The following MORC1 variants were observed in gnomAD, a reference collection of about 807,000 sequenced individuals.
The protein encoded by MORC1 is MORC family CW-type zinc finger protein 1.
MORC1 carries 59 observed loss-of-function variants against 134.9 expected under a neutral mutation model. That is an observed-to-expected ratio of 0.44 (90% CI 0.35 to 0.54). The LOEUF is 0.54. MORC1 is among the 20% of genes least tolerant of loss of function. The probability of loss-of-function intolerance (pLI) is 0.00; values close to 1 mark genes in which losing one functional copy is unlikely to be tolerated. For synonymous variants in MORC1, 395 were observed against 391.7 expected, an observed-to-expected ratio of 1.01 and a Z score of -0.10; for missense variants, 947 against 1,134.5, an observed-to-expected ratio of 0.83 and a Z score of 2.37.
intron 22 of MORC1, 93 bp from the exon 23 acceptor site, chr3:108,984,875 A>G (rs2107463887): frequency 1.2e-6 from 1 of 861,828 alleles, no homozygotes; most frequent in Non-Finnish European, 1.8e-6. Context: ...CTACCTCTGT[A>G]TAATATGGAT....
At chr3:109,053,691 A>G (rs184353444) in intron 14 of MORC1, among the ~76,000 whole-genome samples, 1 of 152,306 alleles carries the variant, frequency 6.6e-6, no homozygotes, top group African/African-American at 2.4e-5. Context: ...CACCAGGGTG[A>G]CAAGTTTAGT....
chr3:109,067,873 T>A (rs1002096954), intron 9 of MORC1, among the ~76,000 whole-genome samples: 1 of 152,196 alleles, frequency 6.6e-6, no homozygotes, highest in African/African-American at 2.4e-5. Context: ...AATATCTTTA[T>A]GAGTGATAGC....
chr3:108,980,042 G>A (rs1284313963), intron 23 of MORC1, among the ~76,000 whole-genome samples: 4 of 151,944 alleles, frequency 2.6e-5, no homozygotes, highest in Admixed American at 6.5e-5. Context: ...ATCTACAATG[G>A]ATATACTTAA....
intron 17 of MORC1, among the ~76,000 whole-genome samples, chr3:109,016,601 G>T (rs930683577): frequency 6.6e-6 from 1 of 152,174 alleles, no homozygotes; most frequent in African/African-American, 2.4e-5. Flanking sequence ...AGTGGCTCAT[G>T]CCTGTAATCC....
At chr3:109,062,092 A>G (rs566900643) in intron 10 of MORC1, 34 bp from the exon 11 acceptor site, 9 of 1,597,548 alleles carry the variant, frequency 5.6e-6, no homozygotes, top group Admixed American at 1.7e-5. Flanking sequence ...ATAACACAGC[A>G]AAATTATTTC....
chr3:109,059,138 T>A (rs1950025106), intron 12 of MORC1, among the ~76,000 whole-genome samples: 1 of 152,174 alleles, frequency 6.6e-6, no homozygotes, highest in Non-Finnish European at 1.5e-5. Flanking sequence ...TGTCAGTGCA[T>A]GGTTCACGAA....
intron 20 of MORC1, among the ~76,000 whole-genome samples, chr3:109,004,067 C>CAA (rs151194694): frequency 6.7e-6 from 1 of 149,726 alleles, no homozygotes; most frequent in African/African-American, 2.5e-5. Context: ...GACTTCGTCT[C>CAA]AAAAAAAATA....
rs1425511861 is a variant in MORC1, at chr3:109,005,154, C to G, written c.1929G>C (p.Lys643Asn). 1.2e-6 allele frequency: 2 copies of G among 1,613,754 alleles called. No homozygotes were observed. Among genetic ancestry groups the G allele is most frequent in the Non-Finnish European group, 1.7e-6 (2 of 1,179,930 alleles). Residue 643 changes from lysine to asparagine, a missense_variant, in exon 19 of 28, where the codon AAG becomes AAC. Physicochemically the swap from Lys to Asn is moderately conservative, Grantham distance 94. Transcript: ENST00000232603. ...GAGAGTTCATTTTCTCCTCCATAGA[C>G]TTTTTCATAATTTTTGTTTCTGAAA... ...EYISETKIMK[K>N]SMEEKMNSQQ...
intron 17 of MORC1, among the ~76,000 whole-genome samples, chr3:109,017,900 C>G (rs1167435305): frequency 6.6e-6 from 1 of 152,162 alleles, no homozygotes; most frequent in Non-Finnish European, 1.5e-5. Context: ...GAAAGTCCCG[C>G]AAATCACACA....
chr3:108,964,561 T>C (rs1947166003), intron 26 of MORC1, among the ~76,000 whole-genome samples: 1 of 152,136 alleles, frequency 6.6e-6, no homozygotes, highest in African/African-American at 2.4e-5. Context: ...CTCACGAGTT[T>C]CCCCTTTTTC....
chr3:109,062,011 T>C lies in MORC1; in HGVS notation c.943A>G (p.Arg315Gly), dbSNP rs140586554. 4.3e-6 allele frequency: 7 copies of C among 1,613,980 alleles called. No individual in the cohort carries two copies. Among genetic ancestry groups the C allele is most frequent in the South Asian group, 1.1e-5 (1 of 91,090 alleles). Residue 315 changes from arginine (R) to glycine (G), a missense_variant, in exon 11 of 28, where the codon AGA (arginine) becomes GGA (glycine). By Grantham distance (125) the Arg-to-Gly change is moderately radical. Transcript: ENST00000232603. ...ACCTTGGCAGAAGATAAAGAGGTTC[T>C]GTCACACTGGTTTACTTTGATTTGT... ...EAQIKVNQCD[R>G]TSLSSAKDVL...
chr3:109,011,536 TTTG>T (rs1948684918), intron 17 of MORC1, among the ~76,000 whole-genome samples: 1 of 151,956 alleles, frequency 6.6e-6, no homozygotes, highest in Non-Finnish European at 1.5e-5. Context: ...TTTTTTTTTT[TTTG>T]AGATGGAGTT....
intron 14 of MORC1, among the ~76,000 whole-genome samples, 166 bp from the exon 15 acceptor site, chr3:109,035,634 G>C (rs1452499496): frequency 1.3e-5 from 2 of 152,050 alleles, no homozygotes; most frequent in Non-Finnish European, 2.9e-5. Flanking sequence ...TCTGAATAGT[G>C]ATATGATGAG....
At chr3:109,018,802 T>C (rs1452209579) in intron 17 of MORC1, 6 of 152,232 alleles carry the variant, frequency 3.9e-5, no homozygotes, top group South Asian at 2.1e-4. Flanking sequence ...CTGCTTGTGA[T>C]AGAAGATTGG....
intron 8 of MORC1, among the ~76,000 whole-genome samples, chr3:109,091,480 A>AATAG (rs1285224285): frequency 2.0e-5 from 3 of 150,326 alleles, no homozygotes; most frequent in Admixed American, 1.3e-4. Context: ...TAAATAAATA[A>AATAG]AAAGTATGTT....
chr3:109,058,337 T>G (rs1188998733), intron 12 of MORC1, among the ~76,000 whole-genome samples: 1 of 152,094 alleles, frequency 6.6e-6, no homozygotes, highest in African/African-American at 2.4e-5. Context: ...AGAAATAATG[T>G]TAAATATAAG....
At chr3:108,992,310 T>G (rs1360621396) in intron 21 of MORC1, among the ~76,000 whole-genome samples, 1 of 152,214 alleles carries the variant, frequency 6.6e-6, no homozygotes, top group Non-Finnish European at 1.5e-5. Context: ...CTCTCTTCTC[T>G]TCCTTTCTTA....
At chr3:108,991,315 T>C (rs527957757) in intron 21 of MORC1, among the ~76,000 whole-genome samples, 1 of 152,294 alleles carries the variant, frequency 6.6e-6, no homozygotes, top group South Asian at 2.1e-4. Flanking sequence ...GTCAGTGTGT[T>C]GGCCAAGGTG....
intron 1 of MORC1, among the ~76,000 whole-genome samples, chr3:109,116,297 G>T (rs1415230747): frequency 1.3e-5 from 2 of 152,228 alleles, no homozygotes; most frequent in African/African-American, 2.4e-5. Flanking sequence ...CAGTTAAGAG[G>T]CTGTCTGGAG....
Sources: gnomAD v4.1 joint callset for allele counts (sites outside exome capture counted in the v4.1 genomes callset) on GRCh38, gnomAD v4.1.1 for gene constraint, MANE v1.5 for transcripts, NCBI Gene and HGNC (gene_info 2026-07-23, HGNC 2026-07-21) for gene names.